GABRG1: variants seen among roughly 807,000 people sequenced by gnomAD.
GABRG1 encodes gamma-aminobutyric acid type A receptor subunit gamma1, also known as gamma-aminobutyric acid receptor subunit gamma-1.
Under a neutral mutation model 49.8 loss-of-function variants are expected in GABRG1, and 49 were observed. That is an observed-to-expected ratio of 0.98 (90% CI 0.78 to 1.25). The LOEUF (loss-of-function observed/expected upper bound fraction) is 1.25, where lower values mean the gene tolerates loss of function less well. GABRG1 is among the 50% of genes most tolerant of loss of function. GABRG1 has a pLI of 0.00. For missense variants in GABRG1, 552 were observed against 552.3 expected, an observed-to-expected ratio of 1.00 and a Z score of 0.01; for synonymous variants, 232 against 185.1, an observed-to-expected ratio of 1.25 and a Z score of -2.06.
chr4:46,058,455 A>C (rs764389097), intron 6 of GABRG1, 30 bp downstream of exon 6: 1 of 1,607,284 alleles, frequency 6.2e-7, no homozygotes, highest in South Asian at 1.1e-5. Flanking sequence ...TAATGCTAGC[A>C]TCATTTCACT....
intron 3 of GABRG1, among the ~76,000 whole-genome samples, chr4:46,083,284 T>C (rs890165322): frequency 2.6e-5 from 4 of 151,692 alleles, no homozygotes; most frequent in South Asian, 2.1e-4. Context: ...TTGTCCAGAC[T>C]AACACAATAA....
Position 46,037,220 on chromosome 4 carries a change from A to G in GABRG1, c.*3768T>C, listed in dbSNP as rs182528400. Reference sequence around the variant, plus strand: ...GTACTTTGTACACAGAAAGTGCTGCATATATATTTGAATGAGGTTACCTCA... The same window carrying G: ...GTACTTTGTACACAGAAAGTGCTGCGTATATATTTGAATGAGGTTACCTCA... On this transcript the variant is annotated 3_prime_UTR_variant, in exon 9 of 9. Coordinates refer to ENST00000295452, the MANE Select transcript of GABRG1 (RefSeq NM_173536.4). The G allele has an allele frequency of 8.6e-5, 13 of 151,918 alleles. No homozygotes were observed. The East Asian group carries it at 2.5e-3, about 29-fold the overall frequency. The allele number at this position is 151,918 out of a possible 1,614,324, so 9.4% of individuals were successfully genotyped here.
At chr4:46,042,277 A>C (rs1043078372) in intron 8 of GABRG1, among the ~76,000 whole-genome samples, 2 of 151,998 alleles carry the variant, frequency 1.3e-5, no homozygotes, top group Non-Finnish European at 2.9e-5. Context: ...TAAACATACA[A>C]ACAATAATAA....
intron 3 of GABRG1, among the ~76,000 whole-genome samples, chr4:46,080,034 T>G (rs1481276388): frequency 6.6e-6 from 1 of 151,918 alleles, no homozygotes; most frequent in East Asian, 1.9e-4. Flanking sequence ...CAGTCTTCAT[T>G]AGTGCATCTG....
chr4:46,050,399 A>G (rs1718169495), intron 8 of GABRG1, among the ~76,000 whole-genome samples: 1 of 151,908 alleles, frequency 6.6e-6, no homozygotes, highest in African/African-American at 2.4e-5. Flanking sequence ...AAACCAATGA[A>G]AAAAGATTAG....
chr4:46,049,033 GC>G (rs1436825700), intron 8 of GABRG1, among the ~76,000 whole-genome samples: 3 of 151,744 alleles, frequency 2.0e-5, no homozygotes, highest in Non-Finnish European at 4.4e-5. Flanking sequence ...CCTGACTATA[GC>G]CCTAAACATT....
chr4:46,042,829 C>G (rs978799704), intron 8 of GABRG1, among the ~76,000 whole-genome samples: 1 of 151,876 alleles, frequency 6.6e-6, no homozygotes, highest in African/African-American at 2.4e-5. Context: ...GACAAATGTG[C>G]ACCTTGAGGA....
At chr4:46,090,824 A>G (rs887909079) in intron 2 of GABRG1, among the ~76,000 whole-genome samples, 2 of 151,990 alleles carry the variant, frequency 1.3e-5, no homozygotes, top group Non-Finnish European at 2.9e-5. Flanking sequence ...CAGCACAGCA[A>G]TAGTGACTGA....
intron 1 of GABRG1, among the ~76,000 whole-genome samples, chr4:46,101,643 A>T (rs1720382547): frequency 6.6e-6 from 1 of 151,720 alleles, no homozygotes; most frequent in Non-Finnish European, 1.5e-5. Flanking sequence ...ATTTTCTAAT[A>T]AAGGAGAAAA....
In GABRG1 at chr4:46,040,722, T is replaced by C. The variant is rs1717737915; in HGVS notation, c.*266A>G. 1 of 238,446 alleles carries C rather than the reference T, an allele frequency of 4.2e-6. No homozygotes were observed. Among genetic ancestry groups the C allele is most frequent in the Admixed American group, 5.4e-5 (1 of 18,478 alleles). 14.8% of individuals were successfully genotyped at this position (238,446 alleles called of 1,614,324 possible). On this transcript the variant is annotated 3_prime_UTR_variant, in exon 9 of 9. Coordinates refer to ENST00000295452, the MANE Select transcript of GABRG1 (RefSeq NM_173536.4). ...AGAACTTAAAAATTCAAAATTATAA[T>C]AACATATAAGTAAATTAAAGAAAAT...
In GABRG1 at chr4:46,097,317, T is replaced by C. The variant is rs759786658; in HGVS notation, c.137A>G (p.Asp46Gly). 1.4e-5 allele frequency: 23 copies of C among 1,609,682 alleles called. 2 individuals carry two copies. The highest frequency in any genetic ancestry group is 1.0e-4 in the Admixed American group (6 of 59,538). Reference protein sequence around the residue: ...VDKADDEDDEDLTVNKTWVLA... With the variant: ...VDKADDEDDEGLTVNKTWVLA... ...GACCCAGGTTTTGTTCACCGTTAAA[T>C]CCTCATCATCTTCATCATCTGCCTT... Residue 46 changes from aspartate to glycine, a missense_variant, in exon 2 of 9, where the codon GAT becomes GGT. Physicochemically the swap from Asp to Gly is moderately conservative, Grantham distance 94. Transcript: ENST00000295452.
At chr4:46,079,518 A>C (rs776128709) in intron 3 of GABRG1, among the ~76,000 whole-genome samples, 1 of 151,926 alleles carries the variant, frequency 6.6e-6, no homozygotes, top group Non-Finnish European at 1.5e-5. Flanking sequence ...GGATCTAAGT[A>C]GTTTTTATTA....
At chr4:46,065,728 A>G (rs1718891688) in intron 3 of GABRG1, 144 bp from the exon 4 acceptor site, 2 of 589,234 alleles carry the variant, frequency 3.4e-6, no homozygotes. Context: ...CCATTATTTT[A>G]AACTTTTTTT....
At chr4:46,053,661 C>CT (rs1355498395) in intron 7 of GABRG1, among the ~76,000 whole-genome samples, 1 of 151,946 alleles carries the variant, frequency 6.6e-6, no homozygotes, top group African/African-American at 2.4e-5. Flanking sequence ...TGTCTCCTAT[C>CT]TGAAAAATCT....
intron 1 of GABRG1, among the ~76,000 whole-genome samples, chr4:46,120,956 T>C: frequency 6.6e-6 from 1 of 151,764 alleles, no homozygotes; most frequent in Non-Finnish European, 1.5e-5. Flanking sequence ...TACAAAGAAG[T>C]TAAATCAAGC....
intron 1 of GABRG1, among the ~76,000 whole-genome samples, chr4:46,108,875 A>AT (rs1720638367): frequency 6.6e-6 from 1 of 151,174 alleles, no homozygotes; most frequent in Admixed American, 6.6e-5. Flanking sequence ...GAAGACTCAA[A>AT]TTATTTTAAA....
At chr4:46,046,412 C>T (rs533195821) in intron 8 of GABRG1, among the ~76,000 whole-genome samples, 2 of 152,184 alleles carry the variant, frequency 1.3e-5, no homozygotes, top group South Asian at 4.1e-4. Flanking sequence ...AAACATTCCA[C>T]CATGCACTGA....
intron 3 of GABRG1, among the ~76,000 whole-genome samples, chr4:46,082,365 T>C (rs1266289037): frequency 5.9e-5 from 9 of 151,586 alleles, no homozygotes; most frequent in Non-Finnish European, 1.2e-4. Flanking sequence ...CCCATACTCT[T>C]ATCTCATCTT....
intron 2 of GABRG1, among the ~76,000 whole-genome samples, chr4:46,090,765 C>T (rs1374858849): frequency 6.6e-6 from 1 of 151,888 alleles, no homozygotes; most frequent in Non-Finnish European, 1.5e-5. Flanking sequence ...GACGTGAGTT[C>T]TACATTACTC....
Sources: gnomAD v4.1 joint callset for allele counts (sites outside exome capture counted in the v4.1 genomes callset) on GRCh38, gnomAD v4.1.1 for gene constraint, MANE v1.5 for transcripts, NCBI Gene and HGNC (gene_info 2026-07-23, HGNC 2026-07-21) for gene names.